The following EIF4ENIF1 variants were observed in gnomAD, a reference collection of about 807,000 sequenced individuals.
EIF4ENIF1 encodes the protein eukaryotic translation initiation factor 4E transporter.
Under a neutral mutation model 110.5 loss-of-function variants are expected in EIF4ENIF1, and 23 were observed. That is an observed-to-expected ratio of 0.21 (90% confidence interval 0.15 to 0.29). The LOEUF (loss-of-function observed/expected upper bound fraction) is 0.29, where lower values mean the gene tolerates loss of function less well. Ranked by LOEUF, EIF4ENIF1 falls within the 10% of genes least tolerant of loss-of-function variation. EIF4ENIF1 has a pLI of 1.00. For missense variants in EIF4ENIF1, 1,031 were observed against 1,221.1 expected, an observed-to-expected ratio of 0.84 and a Z score of 2.32; for synonymous variants, 440 against 437.0, an observed-to-expected ratio of 1.01 and a Z score of -0.09.
Position 31,447,568 on chromosome 22 carries a change from G to C in EIF4ENIF1, c.1849-3C>G. On this transcript the variant is annotated splice_region_variant and splice_polypyrimidine_tract_variant and intron_variant, in intron 13 of 18. Coordinates refer to ENST00000330125, the MANE Select transcript of EIF4ENIF1 (RefSeq NM_019843.4). ...TGTTGCAACTCCAGCTGGCTCATCT[G>C]CTGAAAAGGAGAGGGGAGGGTCAGG... 1 of 1,600,104 alleles carries C rather than the reference G, an allele frequency of 6.2e-7. No individual in the cohort carries two copies.
At chr22:31,471,226 A>G (rs2051365923) in intron 3 of EIF4ENIF1, among the ~76,000 whole-genome samples, 1 of 151,668 alleles carries the variant, frequency 6.6e-6, no homozygotes, top group South Asian at 2.1e-4. Context: ...AGCGCCCCTG[A>G]GCAGCATACC....
chr22:31,456,431 G>A (rs906054604), intron 7 of EIF4ENIF1, among the ~76,000 whole-genome samples: 9 of 151,894 alleles, frequency 5.9e-5, no homozygotes, highest in East Asian at 1.9e-4. Context: ...TACCGTGTTA[G>A]CCAGGATGGT....
intron 5 of EIF4ENIF1, 74 bp from the exon 6 acceptor site, chr22:31,463,207 T>G (rs2051055446): frequency 1.4e-6 from 2 of 1,397,002 alleles, no homozygotes; most frequent in South Asian, 2.5e-5. Context: ...GTCTTCGTTG[T>G]AATGTTCAAT....
intron 6 of EIF4ENIF1, among the ~76,000 whole-genome samples, chr22:31,461,087 G>C (rs76282085): frequency 6.6e-6 from 1 of 152,302 alleles, no homozygotes; most frequent in African/African-American, 2.4e-5. Context: ...AGTTCTGATG[G>C]GTACATGTGT....
chr22:31,450,123 T>C (rs145295607), intron 11 of EIF4ENIF1, among the ~76,000 whole-genome samples, 166 bp downstream of exon 11: 9 of 152,300 alleles, frequency 5.9e-5, no homozygotes, highest in Admixed American at 3.9e-4. Flanking sequence ...CCCCTGCCCA[T>C]TGAGATTAAA....
rs144858676 is a variant in EIF4ENIF1, at chr22:31,450,329, G to A, written c.1544C>T (p.Ala515Val). 1.2e-5 allele frequency: 19 copies of A among 1,613,466 alleles called. No individual in the cohort carries two copies. The highest frequency in any genetic ancestry group is 1.5e-5 in the Non-Finnish European group (18 of 1,179,618). ...RNLESHLMSP[A>V]EIPGQPVPKN... ...AGGGACAGGCTGGCCTGGAATCTCA[G>A]CAGGGGACATCAAATGGCTTTCAAG... The change falls in exon 11 of 19, where the codon GCT becomes GTT. Residue 515 changes from alanine (A) to valine (V), a missense_variant. Physicochemically the swap from Ala to Val is moderately conservative, Grantham distance 64. Around this residue, in one of 3 missense-constraint regions of EIF4ENIF1, gnomAD observed 704 missense variants for 879.7 expected, o/e 0.80. Transcript: ENST00000330125.
In EIF4ENIF1 at chr22:31,442,033, C is replaced by T. The variant is rs1267485634; in HGVS notation, c.2292G>A (p.Arg764=). The change falls in exon 17 of 19, where the codon AGG becomes AGA. Residue 764 remains arginine, a synonymous_variant. Coordinates refer to ENST00000330125, the MANE Select transcript of EIF4ENIF1 (RefSeq NM_019843.4). ...TTNSKLSALQ[R]SSCSTPLSQA... ...GGGACAGTGGGGTGGAACACGAAGA[C>T]CTCTGTAATGCTGACAGTTTGGAAT... The T allele has an allele frequency of 1.9e-6, 3 of 1,614,032 alleles. No individual in the cohort carries two copies. The highest frequency in any genetic ancestry group is 2.7e-5 in the African/African-American group (2 of 74,896).
chr22:31,461,895 A>G (rs2051006309), intron 6 of EIF4ENIF1: 1 of 152,154 alleles, frequency 6.6e-6, no homozygotes, highest in African/African-American at 2.4e-5. Flanking sequence ...GAGTTACTTA[A>G]GCCCTCTGAG....
rs370113899 is a variant in EIF4ENIF1, at chr22:31,468,351, T to G, written c.171-49A>C. On this transcript the variant is annotated intron_variant, in intron 3 of 18. Coordinates refer to ENST00000330125, the MANE Select transcript of EIF4ENIF1 (RefSeq NM_019843.4). ...TTAGCACTTACGCCCATGAACCATA[T>G]AGGCAGTGTGATTTCTAAACCTCCT... 9 of 1,607,176 alleles carry G rather than the reference T, an allele frequency of 5.6e-6. No homozygotes were observed. The African/African-American group carries it at 1.2e-4, about 22-fold the overall frequency.
At chr22:31,484,532 C>T (rs2051945597) in intron 2 of EIF4ENIF1, among the ~76,000 whole-genome samples, 1 of 151,024 alleles carries the variant, frequency 6.6e-6, no homozygotes, top group Admixed American at 6.6e-5. Context: ...CAGAATACAC[C>T]ACCTATTTAA....
chr22:31,471,704 T>C, intron 3 of EIF4ENIF1, 140 bp downstream of exon 3: 1 of 748,374 alleles, frequency 1.3e-6, no homozygotes, highest in East Asian at 2.7e-5. Context: ...TTGAAACCCA[T>C]CTTATTACCT....
intron 4 of EIF4ENIF1, among the ~76,000 whole-genome samples, chr22:31,467,903 C>T (rs537891780): frequency 3.5e-4 from 53 of 152,130 alleles, no homozygotes; most frequent in Non-Finnish European, 6.5e-4. Flanking sequence ...CTTTATGCTA[C>T]CCACCACATC....
chr22:31,459,752 A>ATGTTTTTATT (rs5844954), intron 6 of EIF4ENIF1, among the ~76,000 whole-genome samples: 127,101 of 151,638 alleles, frequency 0.84, 53,603 homozygotes, highest in East Asian at 0.98. Flanking sequence ...TTAGTTTTTA[A>ATGTTTTTATT]TGTTTTTATT....
intron 2 of EIF4ENIF1, 138 bp downstream of exon 2, chr22:31,488,485 A>G: frequency 2.3e-6 from 3 of 1,299,988 alleles, no homozygotes; most frequent in Non-Finnish European, 1.1e-6. Context: ...AAAGTAATGC[A>G]CTACTAAATT....
rs766138447 is a variant in EIF4ENIF1 at position 31,464,096 on chromosome 22, T to G, written c.299-129A>C. On this transcript the variant is annotated intron_variant, in intron 4 of 18. Transcript: ENST00000330125. The stretch of plus-strand genomic sequence containing the variant: ...AGAGAGTCACCACTAAAATTGGGCT[T>G]ATCAGCAGATTCAGGGTAACATGTA... The G allele has an allele frequency of 2.4e-5, 29 of 1,198,002 alleles. No homozygotes were observed. The South Asian group carries it at 4.3e-4, about 18-fold the overall frequency. 74.2% of individuals were successfully genotyped at this position (1,198,002 alleles called of 1,614,324 possible). A position where few individuals can be genotyped will look rare whatever the true frequency, so the allele number is the denominator to read the frequency against.
chr22:31,477,357 C>CAAAAA (rs749894840), intron 2 of EIF4ENIF1, among the ~76,000 whole-genome samples: 3 of 46,842 alleles, frequency 6.4e-5, no homozygotes, highest in African/African-American at 1.5e-4. Flanking sequence ...CCTCTGTCTC[C>CAAAAA]AAAAAAAAAA....
chr22:31,449,405 A>T lies in EIF4ENIF1; in HGVS notation c.1711T>A (p.Phe571Ile). 6.2e-7 allele frequency: 1 copy of T among 1,614,184 alleles called. No homozygotes were observed. The highest frequency in any genetic ancestry group is 1.3e-5 in the African/African-American group (1 of 75,042). The change falls in exon 12 of 19, where the codon TTT becomes ATT. Residue 571 changes from phenylalanine (F) to isoleucine (I), a missense_variant. Phe to Ile is a conservative substitution (Grantham distance 21, BLOSUM62 0). Transcript: ENST00000330125. The stretch of plus-strand genomic sequence containing the variant: ...TCAGCTGAGGCTGCTCGAGTTTGAA[A>T]CACCTGTGACAAGGGAGGAGAGGGT... ...RAPSPPLSQV[F>I]QTRAASADYL...
intron 4 of EIF4ENIF1, among the ~76,000 whole-genome samples, chr22:31,464,700 ATAT>A (rs1341735642): frequency 9.3e-4 from 57 of 61,308 alleles, no homozygotes; most frequent in African/African-American, 1.7e-3. Context: ...AAAAAAAAAA[ATAT>A]ATATATATAT....
chr22:31,491,776 C>T (rs1379060338), upstream of EIF4ENIF1, among the ~76,000 whole-genome samples: 1 of 152,120 alleles, frequency 6.6e-6, no homozygotes, highest in East Asian at 1.9e-4. Flanking sequence ...TTCCTGGCCT[C>T]AAGTGATCCT....
Sources: allele counts gnomAD v4.1 joint callset (sites outside exome capture counted in the v4.1 genomes callset), GRCh38; gene constraint gnomAD v4.1.1; regional missense constraint gnomAD v4.1.1; transcripts MANE v1.5; gene names NCBI Gene and HGNC (gene_info 2026-07-23, HGNC 2026-07-21).